RGS7: variants seen among roughly 807,000 people sequenced by gnomAD.
The protein encoded by RGS7 is regulator of G protein signaling 7.
A neutral mutation model predicts 81.1 loss-of-function variants in RGS7; 27 were observed. That is an observed-to-expected ratio of 0.33 (90% CI 0.25 to 0.46). The LOEUF is 0.46. RGS7 is among the 20% of genes least tolerant of loss of function. RGS7 has a pLI of 1.00. For missense variants in RGS7, 396 were observed against 607.4 expected, an observed-to-expected ratio of 0.65 and a Z score of 3.66; for synonymous variants, 208 against 207.7, an observed-to-expected ratio of 1.00 and a Z score of -0.01.
Position 240,930,874 on chromosome 1 carries a change from C to T in RGS7, c.334-106G>A, listed in dbSNP as rs16841072. On this transcript the variant is annotated intron_variant, in intron 5 of 18. Transcript: ENST00000440928. ...TTCCACAATTCTCTATATTAGTTTG[C>T]TATATGTTTTATAATACAGAACATG... 7,377 of 1,121,622 alleles carry T rather than the reference C, an allele frequency of 6.6e-3. 352 individuals are homozygous for T. The African/African-American group carries it at 0.099, about 15-fold the overall frequency. 69.5% of individuals were successfully genotyped at this position (1,121,622 alleles called of 1,614,324 possible).
intron 2 of RGS7, among the ~76,000 whole-genome samples, chr1:241,289,566 G>A (rs1192515297): frequency 4.6e-5 from 7 of 152,082 alleles, no homozygotes; most frequent in South Asian, 2.1e-4. Context: ...GAGAATTTAC[G>A]GAACTTCCAA....
At chr1:241,318,978 C>T (rs1178471387) in intron 2 of RGS7, among the ~76,000 whole-genome samples, 1 of 152,084 alleles carries the variant, frequency 6.6e-6, no homozygotes, top group Non-Finnish European at 1.5e-5. Flanking sequence ...GGATACTGAT[C>T]CATCAATTAC....
intron 6 of RGS7, among the ~76,000 whole-genome samples, chr1:240,922,888 CA>C (rs1023331573): frequency 6.6e-6 from 1 of 151,898 alleles, no homozygotes; most frequent in East Asian, 1.9e-4. Flanking sequence ...CTTATGTCTT[CA>C]AAAAAATTCT....
intron 9 of RGS7, among the ~76,000 whole-genome samples, chr1:240,860,177 T>C (rs1661946380): frequency 6.6e-6 from 1 of 152,192 alleles, no homozygotes; most frequent in Non-Finnish European, 1.5e-5. Context: ...CTGCTGCTGT[T>C]GTATTAAGTA....
At chr1:240,776,465 A>G (rs1682956485) in intron 18 of RGS7, among the ~76,000 whole-genome samples, 1 of 149,124 alleles carries the variant, frequency 6.7e-6, no homozygotes, top group Admixed American at 6.7e-5. Context: ...TCCCCACTGC[A>G]AACAGACTGA....
chr1:240,849,253 G>A (rs541371100), intron 9 of RGS7, among the ~76,000 whole-genome samples: 3 of 152,010 alleles, frequency 2.0e-5, no homozygotes, highest in Non-Finnish European at 4.4e-5. Context: ...TTTATTGTAA[G>A]TTCTACCTTA....
intron 9 of RGS7, among the ~76,000 whole-genome samples, chr1:240,857,417 G>A (rs374330067): frequency 1.1e-4 from 17 of 152,118 alleles, no homozygotes; most frequent in Admixed American, 5.2e-4. Context: ...GCTTGCATTG[G>A]GGTTCACTCT....
At chr1:240,832,058 A>AT (rs1390586270) in intron 9 of RGS7, among the ~76,000 whole-genome samples, 3 of 152,164 alleles carry the variant, frequency 2.0e-5, no homozygotes, top group African/African-American at 7.2e-5. Context: ...GTCTTTGGTT[A>AT]TTTAAAAAAA....
At chr1:241,241,029 C>A (rs1297161209) in intron 2 of RGS7, among the ~76,000 whole-genome samples, 1 of 152,134 alleles carries the variant, frequency 6.6e-6, no homozygotes, top group Non-Finnish European at 1.5e-5. Flanking sequence ...AAGAAGAGAA[C>A]AGCCCAGGTT....
intron 2 of RGS7, among the ~76,000 whole-genome samples, chr1:241,210,949 C>T (rs1290852059): frequency 1.3e-5 from 2 of 152,312 alleles, no homozygotes; most frequent in South Asian, 2.1e-4. Context: ...TAAATGTCCT[C>T]TGAAAAGGCC....
chr1:241,124,647 G>A (rs933383652), intron 2 of RGS7, among the ~76,000 whole-genome samples: 7 of 152,176 alleles, frequency 4.6e-5, no homozygotes, highest in African/African-American at 1.7e-4. Context: ...AACCATTCTG[G>A]GCTTCCTGCA....
At chr1:241,246,296 G>A (rs1410983616) in intron 2 of RGS7, among the ~76,000 whole-genome samples, 1 of 151,968 alleles carries the variant, frequency 6.6e-6, no homozygotes, top group Non-Finnish European at 1.5e-5. Context: ...AGGAAACCTG[G>A]ACTGATAAAT....
chr1:241,260,339 A>G (rs946102550), intron 2 of RGS7, among the ~76,000 whole-genome samples: 1 of 152,324 alleles, frequency 6.6e-6, no homozygotes, highest in African/African-American at 2.4e-5. Flanking sequence ...AGGCAGCCCT[A>G]AATACCTGCT....
Position 240,776,008 on chromosome 1 carries a change from G to C in RGS7, c.*212C>G, listed in dbSNP as rs1682873773. The C allele has an allele frequency of 1.4e-6, 1 of 697,074 alleles. No individual in the cohort carries two copies. The highest frequency in any genetic ancestry group is 2.0e-5 in the Admixed American group (1 of 49,482). The allele number at this position is 697,074 out of a possible 1,614,324, so 43.2% of individuals were successfully genotyped here. ...GGAATGGAGGCATTGAGACGGAAGA[G>C]TCCATTGGAGATGGAATGTACACAC... On this transcript the variant is annotated 3_prime_UTR_variant, in exon 19 of 19. Transcript: ENST00000440928.
intron 2 of RGS7, among the ~76,000 whole-genome samples, chr1:241,354,966 G>A (rs1383091754): frequency 1.3e-5 from 2 of 151,840 alleles, no homozygotes; most frequent in Non-Finnish European, 2.9e-5. Flanking sequence ...AAAAGCACAT[G>A]TAATAGTTAA....
At chr1:241,145,827 G>A (rs529003190) in intron 2 of RGS7, among the ~76,000 whole-genome samples, 1 of 152,166 alleles carries the variant, frequency 6.6e-6, no homozygotes. Flanking sequence ...CCAGTTTAAT[G>A]AACAGTTCTG....
chr1:241,045,220 T>C (rs1317142067), intron 3 of RGS7, among the ~76,000 whole-genome samples: 1 of 152,200 alleles, frequency 6.6e-6, no homozygotes, highest in Non-Finnish European at 1.5e-5. Context: ...ATTCCTTGAG[T>C]GTGCTTTCCT....
chr1:241,095,477 A>C (rs1441416363), intron 3 of RGS7, among the ~76,000 whole-genome samples: 1 of 152,078 alleles, frequency 6.6e-6, no homozygotes, highest in Admixed American at 6.5e-5. Flanking sequence ...TCTTGTCTCT[A>C]CCAAAACAAA....
chr1:241,355,131 A>C (rs561012120), intron 2 of RGS7, among the ~76,000 whole-genome samples: 7 of 152,338 alleles, frequency 4.6e-5, no homozygotes, highest in Middle Eastern at 3.4e-3. Context: ...CGGCACTAGA[A>C]TATAAATACC....
Sources: allele counts gnomAD v4.1 joint callset (sites outside exome capture counted in the v4.1 genomes callset), GRCh38; gene constraint gnomAD v4.1.1; transcripts MANE v1.5; gene names NCBI Gene and HGNC (gene_info 2026-07-23, HGNC 2026-07-21).